Variants in PPL observed in about 807,000 individuals in gnomAD.
PPL encodes the protein periplakin.
A neutral mutation model predicts 194.4 loss-of-function variants in PPL; 198 were observed. That is an observed-to-expected ratio of 1.02 (90% CI 0.91 to 1.15). PPL has a LOEUF of 1.15. Ranked by LOEUF, PPL falls within the 50% of genes most tolerant of loss-of-function variation. The pLI, the probability that PPL is intolerant of heterozygous loss-of-function variation, is 0.00. For missense variants in PPL, 2,885 were observed against 2,294.8 expected (o/e 1.26, Z -5.25); for synonymous variants, 1,220 against 972.4 (o/e 1.25, Z -4.74).
Position 4,895,322 on chromosome 16 carries a change from C to G in PPL, c.1181G>C (p.Arg394Pro). 3 of 1,613,314 alleles carry G rather than the reference C, an allele frequency of 1.9e-6. No individual in the cohort carries two copies. The highest frequency in any genetic ancestry group is 2.5e-6 in the Non-Finnish European group (3 of 1,179,942). ...GATGGGCTTGAGCGGAGTCTCCCGG[C>G]GGTACTTGAGGGGCACCACCTGCTG... is the stretch of plus-strand genomic sequence containing the variant. The part of the protein sequence containing the change: ...RGQQVVPLKY[R>P]RETPLKPIPV... The change falls in exon 11 of 22, where the codon CGC becomes CCC. Residue 394 changes from arginine (R) to proline (P), a missense_variant. Arg to Pro is a moderately radical substitution (Grantham distance 103). Transcript: ENST00000345988.
At chr16:4,932,773 C>T (rs1473358573) in intron 1 of PPL, among the ~76,000 whole-genome samples, 1 of 151,980 alleles carries the variant, frequency 6.6e-6, no homozygotes, top group Non-Finnish European at 1.5e-5. Flanking sequence ...TATGATTTGC[C>T]GGGCACTCGC....
chr16:4,893,112 G>A, intron 14 of PPL, 101 bp downstream of exon 14: 1 of 1,360,146 alleles, frequency 7.4e-7, no homozygotes, highest in Non-Finnish European at 9.7e-7. Flanking sequence ...CAGCTGCAGT[G>A]AATATCCCAA....
intron 1 of PPL, 107 bp from the exon 2 acceptor site, chr16:4,911,056 G>T: frequency 1.2e-6 from 1 of 845,278 alleles, no homozygotes; most frequent in South Asian, 1.5e-5. Flanking sequence ...GCTCTGAGCA[G>T]GAGCTGCCCA....
At chr16:4,890,984 A>G in intron 16 of PPL, 63 bp from the exon 17 acceptor site, 3 of 1,392,914 alleles carry the variant, frequency 2.2e-6, no homozygotes, top group Non-Finnish European at 2.9e-6. Flanking sequence ...AGGCGATGAC[A>G]CCCACTGAAG....
chr16:4,891,807 T>C lies in PPL; in HGVS notation c.1968+4A>G. The C allele has an allele frequency of 1.2e-6, 2 of 1,607,218 alleles. No homozygotes were observed. Among genetic ancestry groups the C allele is most frequent in the Non-Finnish European group, 1.7e-6 (2 of 1,177,126 alleles). ...GACTCCCAGGACTTGGGCCCTAGAC[T>C]CACCGCCAGCTCCTGCCCCTTGCTG... is the stretch of plus-strand genomic sequence containing the variant. On this transcript the variant is annotated splice_donor_region_variant and intron_variant, in intron 16 of 21. Transcript: ENST00000345988.
At chr16:4,897,884 G>A in intron 8 of PPL, 114 bp from the exon 9 acceptor site, 8 of 796,192 alleles carry the variant, frequency 1.0e-5, no homozygotes, top group South Asian at 1.6e-5. Flanking sequence ...TCTGGCATCT[G>A]TCTGGGTGTG....
chr16:4,914,391 G>A (rs2088878778), intron 1 of PPL, among the ~76,000 whole-genome samples: 1 of 152,200 alleles, frequency 6.6e-6, no homozygotes, highest in Non-Finnish European at 1.5e-5. Context: ...ACCTACCGGA[G>A]TCATGGACCA....
In PPL at chr16:4,885,690, C is replaced by T. The variant is rs781194250; in HGVS notation, c.2965G>A (p.Gly989Arg). The T allele has an allele frequency of 6.2e-7, 1 of 1,613,460 alleles. No individual in the cohort carries two copies. The highest frequency in any genetic ancestry group is 1.6e-4 in the Middle Eastern group (1 of 6,062). Residue 989 changes from glycine (G) to arginine (R), a missense_variant, in exon 22 of 22, where the codon GGG (glycine) becomes AGG (arginine). Physicochemically the swap from Gly to Arg is moderately radical, Grantham distance 125 (BLOSUM62 -2). Transcript: ENST00000345988. This position sits in a 1 kb window ranked among gnomAD's most constrained non-coding sequence, Gnocchi z 6.3. ...ACCTCCTTGACCACGTACTCCTGCCCCCCGTCTCTGGTCTCCTGCTCCAGG... is the reference window on the plus strand; with the variant it reads ...ACCTCCTTGACCACGTACTCCTGCCTCCCGTCTCTGGTCTCCTGCTCCAGG... ...RALEQETRDG[G>R]QEYVVKEVLR...
In PPL at chr16:4,883,351, G is replaced by A. The variant is rs368647062; in HGVS notation, c.*33C>T. Reference sequence around the variant, plus strand: ...CACTGCGTCGTAGGAGAGGGCCAGCGTCTGCCGTTACGAAGAGTTGCAAGA... The same window carrying A: ...CACTGCGTCGTAGGAGAGGGCCAGCATCTGCCGTTACGAAGAGTTGCAAGA... On this transcript the variant is annotated 3_prime_UTR_variant, in exon 22 of 22. Transcript: ENST00000345988. This position sits in a 1 kb window ranked among gnomAD's most constrained non-coding sequence, Gnocchi z 4.8. 45 of 1,611,244 alleles carry A rather than the reference G, an allele frequency of 2.8e-5. No individual in the cohort carries two copies. Among genetic ancestry groups the A allele is most frequent in the East Asian group, 2.7e-4 (12 of 44,894 alleles).
intron 1 of PPL, among the ~76,000 whole-genome samples, chr16:4,925,768 G>A (rs752101588): frequency 2.0e-5 from 3 of 152,120 alleles, no homozygotes; most frequent in South Asian, 2.1e-4. Context: ...CCATGAAGAC[G>A]GGCTTCAAAA....
Position 4,890,227 on chromosome 16 carries a change from G to A in PPL, c.2270C>T (p.Thr757Ile). ...GGTCTCCATCTGGCTGAGGCTGTCT[G>A]TCTCCTGGGGCTCGTAACTGGGGAT... The part of the protein sequence containing the change: ...VSIPSYEPQE[T>I]DSLSQMETKL... Residue 757 changes from threonine (T) to isoleucine (I), a missense_variant, in exon 18 of 22, where the codon ACA (threonine) becomes ATA (isoleucine). Coordinates refer to ENST00000345988, the MANE Select transcript of PPL (RefSeq NM_002705.5). 6.2e-7 allele frequency: 1 copy of A among 1,614,198 alleles called. No individual in the cohort carries two copies. The highest frequency in any genetic ancestry group is 1.3e-5 in the African/African-American group (1 of 75,050).
intron 2 of PPL, among the ~76,000 whole-genome samples, chr16:4,906,957 C>T (rs2142376962): frequency 6.6e-6 from 1 of 152,132 alleles, no homozygotes; most frequent in African/African-American, 2.4e-5. Context: ...TTTTTAAAGT[C>T]ACAGGGGCCA....
chr16:4,902,668 T>TC lies in PPL; in HGVS notation c.318-143dup. 1.1e-6 allele frequency: 1 copy of TC among 869,838 alleles called. No homozygotes were observed. Among genetic ancestry groups the TC allele is most frequent in the South Asian group, 2.0e-5 (1 of 51,092 alleles). The allele number at this position is 869,838 out of a possible 1,614,324, so 53.9% of individuals were successfully genotyped here. A position where few individuals can be genotyped will look rare whatever the true frequency, so the allele number is the denominator to read the frequency against. ...CCTTGGGTTCCAGACAATCACAGCATCCTCTCACCCCTCCTCCCATGCACT... is the reference window on the plus strand; with the variant it reads ...CCTTGGGTTCCAGACAATCACAGCATCCCTCTCACCCCTCCTCCCATGCACT... On this transcript the variant is annotated intron_variant, in intron 3 of 21. Transcript: ENST00000345988. The surrounding 1 kb of genome is among the most constrained non-coding windows in gnomAD (Gnocchi z 4.0).
chr16:4,897,057 G>T (rs185296906), intron 9 of PPL, among the ~76,000 whole-genome samples: 1 of 151,914 alleles, frequency 6.6e-6, no homozygotes, highest in Admixed American at 6.6e-5. Context: ...CAAACTGGCC[G>T]GGTGTGGTGG....
intron 17 of PPL, 80 bp from the exon 18 acceptor site, chr16:4,890,414 A>T: frequency 6.9e-7 from 1 of 1,446,474 alleles, no homozygotes; most frequent in Non-Finnish European, 9.1e-7. Context: ...TTAAAGTGGG[A>T]AACAACCAAA....
chr16:4,905,771 C>T (rs2088669327), intron 2 of PPL, among the ~76,000 whole-genome samples: 2 of 152,122 alleles, frequency 1.3e-5, no homozygotes, highest in Admixed American at 1.3e-4. Flanking sequence ...GTGAACAGGC[C>T]TGACTCCCCA....
chr16:4,928,202 C>T (rs984714780), intron 1 of PPL, among the ~76,000 whole-genome samples: 1 of 152,250 alleles, frequency 6.6e-6, no homozygotes, highest in African/African-American at 2.4e-5. Context: ...AAGTGCATTG[C>T]TGCACTTCAC....
intron 1 of PPL, among the ~76,000 whole-genome samples, chr16:4,933,322 C>A (rs990010787): frequency 6.6e-6 from 1 of 152,162 alleles, no homozygotes; most frequent in African/African-American, 2.4e-5. Context: ...TGTTGCAAGA[C>A]CCGTCTAGGC....
At position 4,890,766 on chromosome 16, in the gene PPL, G is replaced by A. The variant is rs750420304; in HGVS notation, c.2124C>T (p.Gly708=). ...ERQEAEVHKL[G]QRFNNLRQQV... ...GCTGGCGCAGGTTGTTGAAACGCTG[G>A]CCCAGCTTGTGCACCTCGGCCTCCT... The change falls in exon 17 of 22, where the codon GGC becomes GGT. Residue 708 remains glycine, a synonymous_variant. Coordinates refer to ENST00000345988, the MANE Select transcript of PPL (RefSeq NM_002705.5). 1.2e-6 allele frequency: 2 copies of A among 1,609,934 alleles called. No homozygotes were observed. Among genetic ancestry groups the A allele is most frequent in the South Asian group, 2.2e-5 (2 of 90,452 alleles).
Sources: allele counts gnomAD v4.1 joint callset (sites outside exome capture counted in the v4.1 genomes callset), GRCh38; gene constraint gnomAD v4.1.1; non-coding constraint Gnocchi (gnomAD v3.1); transcripts MANE v1.5; gene names NCBI Gene and HGNC (gene_info 2026-07-23, HGNC 2026-07-21).